The following SUGCT variants were observed in gnomAD, a reference collection of about 807,000 sequenced individuals.
SUGCT encodes succinyl-CoA:glutarate-CoA transferase, also known as succinyl-CoA:glutarate CoA-transferase.
SUGCT carries 41 observed loss-of-function variants against 55.0 expected under a neutral mutation model. That is an observed-to-expected ratio of 0.74 (90% CI 0.58 to 0.97). The LOEUF (loss-of-function observed/expected upper bound fraction) is 0.97, where lower values mean the gene tolerates loss of function less well. SUGCT is among the 50% of genes least tolerant of loss of function. The probability of loss-of-function intolerance (pLI) is 0.00; values close to 1 mark genes in which losing one functional copy is unlikely to be tolerated. For synonymous variants in SUGCT, 187 were observed against 200.4 expected, an observed-to-expected ratio of 0.93 and a Z score of 0.56; for missense variants, 568 against 547.8, an observed-to-expected ratio of 1.04 and a Z score of -0.37.
intron 9 of SUGCT, among the ~76,000 whole-genome samples, chr7:40,425,798 A>G (rs982503612): frequency 3.9e-5 from 6 of 152,140 alleles, no homozygotes; most frequent in African/African-American, 1.2e-4. Context: ...TAAACCAGAA[A>G]GGCAGTATCT....
intron 11 of SUGCT, among the ~76,000 whole-genome samples, chr7:40,479,599 C>T (rs141564923): frequency 6.6e-6 from 1 of 152,252 alleles, no homozygotes; most frequent in African/African-American, 2.4e-5. Flanking sequence ...TGTTTGAGAG[C>T]TTCCCTGTTT....
intron 11 of SUGCT, among the ~76,000 whole-genome samples, chr7:40,494,528 G>A (rs1304640866): frequency 6.6e-6 from 1 of 152,042 alleles, no homozygotes; most frequent in Non-Finnish European, 1.5e-5. Context: ...GTATTTTATT[G>A]TATACCAAAT....
the SUGCT span, among the ~76,000 whole-genome samples, chr7:40,920,699 A>G: frequency 6.6e-6 from 1 of 152,198 alleles, no homozygotes; most frequent in African/African-American, 2.4e-5. Context: ...CAGATCTTCT[A>G]TTTGTCAATG....
At chr7:40,407,743 T>G (rs1159542180) in intron 9 of SUGCT, among the ~76,000 whole-genome samples, 1 of 151,976 alleles carries the variant, frequency 6.6e-6, no homozygotes, top group Non-Finnish European at 1.5e-5. Context: ...CTCCCCCAAT[T>G]TACGAATTGG....
chr7:40,412,198 A>G (rs1583623981), intron 9 of SUGCT, among the ~76,000 whole-genome samples: 1 of 152,182 alleles, frequency 6.6e-6, no homozygotes, highest in Non-Finnish European at 1.5e-5. Flanking sequence ...TGTCCATTAG[A>G]CCAGAGACTG....
chr7:40,746,251 A>C (rs1463162851), intron 12 of SUGCT, among the ~76,000 whole-genome samples: 1 of 152,162 alleles, frequency 6.6e-6, no homozygotes. Flanking sequence ...GATTCGCCCC[A>C]CAAACAAGGC....
At chr7:40,510,027 A>G (rs964686591) in intron 12 of SUGCT, among the ~76,000 whole-genome samples, 3 of 152,152 alleles carry the variant, frequency 2.0e-5, no homozygotes, top group Non-Finnish European at 2.9e-5. Flanking sequence ...GTGCTCTAAA[A>G]GTTTAGATAT....
At chr7:40,422,079 C>T (rs1787339011) in intron 9 of SUGCT, among the ~76,000 whole-genome samples, 1 of 130,234 alleles carries the variant, frequency 7.7e-6, no homozygotes. Flanking sequence ...CTGTTTGTAC[C>T]TTTTTTTTTT....
At chr7:40,850,470 CA>C (rs1793796181) in intron 13 of SUGCT, among the ~76,000 whole-genome samples, 1 of 152,162 alleles carries the variant, frequency 6.6e-6, no homozygotes, top group Non-Finnish European at 1.5e-5. Flanking sequence ...TTGTTCCTTC[CA>C]CTTAACTAGT....
chr7:40,513,101 C>CTTTA (rs1793028351), intron 12 of SUGCT, among the ~76,000 whole-genome samples: 1 of 152,054 alleles, frequency 6.6e-6, no homozygotes, highest in Non-Finnish European at 1.5e-5. Context: ...CATGGTGGAG[C>CTTTA]TTTAGTTTAG....
At chr7:40,428,161 A>G (rs921566858) in intron 9 of SUGCT, among the ~76,000 whole-genome samples, 14 of 152,264 alleles carry the variant, frequency 9.2e-5, no homozygotes, top group Middle Eastern at 6.8e-3. Flanking sequence ...CTGACCTAAC[A>G]TCTATTTTGC....
Position 40,641,290 on chromosome 7 carries a change from T to G in SUGCT, c.1090-108144T>G, listed in dbSNP as rs983429408. On this transcript the variant is annotated intron_variant, in intron 12 of 13. Coordinates refer to ENST00000335693, the MANE Select transcript of SUGCT (RefSeq NM_001193313.2). ...TTCTGTATTCTATAAAGCAAAAGAC[T>G]AAAAATTGAAAGTAAAGGGCAGAGA... 4.6e-5 allele frequency among the ~76,000 whole-genome samples: 7 copies of G among 152,280 alleles called. No homozygotes were observed. In the South Asian group the frequency reaches 1.0e-3, roughly 23 times the overall value.
chr7:40,231,096 G>C (rs1328613547), intron 6 of SUGCT, among the ~76,000 whole-genome samples: 1 of 152,032 alleles, frequency 6.6e-6, no homozygotes, highest in Non-Finnish European at 1.5e-5. Context: ...GAAGAGAGAG[G>C]ACCAAATATG....
intron 12 of SUGCT, among the ~76,000 whole-genome samples, chr7:40,590,936 C>G (rs1797685672): frequency 6.6e-6 from 1 of 152,168 alleles, no homozygotes; most frequent in Non-Finnish European, 1.5e-5. Flanking sequence ...AATATTATTT[C>G]TCATTGACAA....
the SUGCT span, among the ~76,000 whole-genome samples, chr7:40,936,291 A>G: frequency 6.6e-6 from 1 of 150,688 alleles, no homozygotes; most frequent in Non-Finnish European, 1.5e-5. Context: ...GTCTTTTCAG[A>G]TTTTTCATTT....
the SUGCT span, among the ~76,000 whole-genome samples, chr7:40,979,158 T>C: frequency 6.6e-5 from 10 of 152,114 alleles, no homozygotes; most frequent in African/African-American, 2.4e-4. Flanking sequence ...GAGAACTTCC[T>C]TGACTTAGTT....
At chr7:40,756,808 G>A (rs1788274529) in intron 13 of SUGCT, among the ~76,000 whole-genome samples, 1 of 152,188 alleles carries the variant, frequency 6.6e-6, no homozygotes, top group Non-Finnish European at 1.5e-5. Context: ...AACAGGAAAA[G>A]TGTGTAAAGT....
intron 1 of SUGCT, among the ~76,000 whole-genome samples, chr7:40,178,585 T>C (rs1785035053): frequency 6.6e-6 from 1 of 152,088 alleles, no homozygotes; most frequent in Non-Finnish European, 1.5e-5. Context: ...TCTTTCAGCA[T>C]TGTTGAGAAA....
At chr7:40,352,901 TAA>T (rs1334858126) in intron 9 of SUGCT, among the ~76,000 whole-genome samples, 2 of 152,230 alleles carry the variant, frequency 1.3e-5, no homozygotes, top group Non-Finnish European at 2.9e-5. Context: ...ATCAACAGTA[TAA>T]GTGTTCCCTT....
Sources: gnomAD v4.1 joint callset for allele counts (sites outside exome capture counted in the v4.1 genomes callset) on GRCh38, gnomAD v4.1.1 for gene constraint, MANE v1.5 for transcripts, NCBI Gene and HGNC (gene_info 2026-07-23, HGNC 2026-07-21) for gene names.